Variants in NCAPD3 observed in about 807,000 individuals in gnomAD.
NCAPD3 encodes non-SMC condensin II complex subunit D3.
Under a neutral mutation model 182.9 loss-of-function variants are expected in NCAPD3, and 105 were observed. The observed-to-expected ratio is 0.57, with a 90% CI of 0.49 to 0.68. NCAPD3 has a LOEUF of 0.68. NCAPD3 is among the 30% of genes least tolerant of loss of function. The pLI is 0.00. For missense variants in NCAPD3, 1,944 were observed against 1,837.0 expected, an observed-to-expected ratio of 1.06 and a Z score of -1.07; for synonymous variants, 815 against 679.9, an observed-to-expected ratio of 1.20 and a Z score of -3.09.
intron 3 of NCAPD3, among the ~76,000 whole-genome samples, chr11:134,214,303 T>G (rs1937940710): frequency 6.6e-6 from 1 of 152,204 alleles, no homozygotes; most frequent in Non-Finnish European, 1.5e-5. Context: ...AAACTCAATT[T>G]ACTAAACAAC....
chr11:134,192,658 A>G (rs761080603), intron 16 of NCAPD3, 31 bp downstream of exon 16: 6 of 1,577,110 alleles, frequency 3.8e-6, no homozygotes, highest in Non-Finnish European at 8.7e-7. Flanking sequence ...GCCTTCTTCT[A>G]TAGGGAACAC....
chr11:134,214,853 C>T (rs1226222755), intron 3 of NCAPD3, among the ~76,000 whole-genome samples: 1 of 152,118 alleles, frequency 6.6e-6, no homozygotes, highest in Non-Finnish European at 1.5e-5. Flanking sequence ...GAAGGGAATA[C>T]TATGTAACTT....
At chr11:134,162,984 G>C (rs541944767) in intron 27 of NCAPD3, among the ~76,000 whole-genome samples, 1 of 152,274 alleles carries the variant, frequency 6.6e-6, no homozygotes, top group South Asian at 2.1e-4. Context: ...GGGTGGGTGA[G>C]GGCGCTGCAG....
Position 134,152,029 on chromosome 11 carries a change from C to CTT in NCAPD3, c.*913_*914dup, listed in dbSNP as rs1353876303. 2 of 152,242 alleles carry CTT rather than the reference C, an allele frequency of 1.3e-5. No homozygotes were observed. The highest frequency in any genetic ancestry group is 4.8e-5 in the African/African-American group (2 of 41,456). The allele number at this position is 152,242 out of a possible 1,614,324, so 9.4% of individuals were successfully genotyped here. A position where few individuals can be genotyped will look rare whatever the true frequency, so the allele number is the denominator to read the frequency against. On this transcript the variant is annotated 3_prime_UTR_variant, in exon 35 of 35. Transcript: ENST00000534548. ...AACCAACGCACATCATCACTTTGTA[C>CTT]TTTTGCTTTTGTAATACTGGGATTA...
chr11:134,164,666 TGGG>T (rs200676915), intron 27 of NCAPD3, among the ~76,000 whole-genome samples: 2 of 146,542 alleles, frequency 1.4e-5, no homozygotes, highest in East Asian at 2.1e-4. Context: ...GACATGAGCT[TGGG>T]GGAGCTGCAC....
chr11:134,185,270 T>C (rs915131227), intron 17 of NCAPD3, 65 bp downstream of exon 17: 2 of 1,403,978 alleles, frequency 1.4e-6, no homozygotes, highest in Middle Eastern at 2.2e-4. Context: ...CTCACTTCCT[T>C]AAGTCTTGGG....
intron 27 of NCAPD3, among the ~76,000 whole-genome samples, chr11:134,163,477 A>C (rs1943652223): frequency 6.6e-6 from 1 of 152,074 alleles, no homozygotes; most frequent in South Asian, 2.1e-4. Flanking sequence ...AGGCGGGCAG[A>C]TCACGAGATC....
At chr11:134,161,107 C>T (rs1591821958) in intron 28 of NCAPD3, among the ~76,000 whole-genome samples, 1 of 151,572 alleles carries the variant, frequency 6.6e-6, no homozygotes, top group East Asian at 1.9e-4. Flanking sequence ...TTGTTGAGGC[C>T]TTTATTGGAA....
Position 134,178,791 on chromosome 11 carries a change from G to C in NCAPD3, c.2674+31C>G, listed in dbSNP as rs181703138. On this transcript the variant is annotated intron_variant, in intron 21 of 34. Coordinates refer to ENST00000534548, the MANE Select transcript of NCAPD3 (RefSeq NM_015261.3). ...CCGACAGAACCTTGAAACGGCATGCGTGCTACAGAGTATGATTTCAAATGC... is the reference window on the plus strand; with the variant it reads ...CCGACAGAACCTTGAAACGGCATGCCTGCTACAGAGTATGATTTCAAATGC... 2.6e-5 allele frequency: 42 copies of C among 1,611,760 alleles called. No individual in the cohort carries two copies. The East Asian group carries it at 9.1e-4, about 35-fold the overall frequency.
intron 24 of NCAPD3, among the ~76,000 whole-genome samples, chr11:134,171,043 AC>A (rs147086757): frequency 0.058 from 8,791 of 152,222 alleles, 293 homozygotes; most frequent in Non-Finnish European, 0.06. Context: ...GCTTCCTAGA[AC>A]ATTCCTTTAG....
chr11:134,197,558 T>C (rs1165867624), intron 13 of NCAPD3, among the ~76,000 whole-genome samples: 1 of 152,202 alleles, frequency 6.6e-6, no homozygotes, highest in Non-Finnish European at 1.5e-5. Context: ...ATTACAAGCA[T>C]GAGCCACCAC....
chr11:134,210,541 A>C, intron 3 of NCAPD3, 87 bp from the exon 4 acceptor site: 1 of 1,202,760 alleles, frequency 8.3e-7, no homozygotes, highest in East Asian at 2.4e-5. Context: ...TACAAAGCAA[A>C]ACACAGGCTT....
chr11:134,161,601 C>T (rs926826047), intron 28 of NCAPD3, among the ~76,000 whole-genome samples, 180 bp downstream of exon 28: 2 of 152,196 alleles, frequency 1.3e-5, no homozygotes, highest in South Asian at 2.1e-4. Flanking sequence ...AGGGAAAGAG[C>T]GGCTTTGGTG....
At chr11:134,196,208 A>G (rs11223724) in intron 13 of NCAPD3, among the ~76,000 whole-genome samples, 54,640 of 152,070 alleles carry the variant, frequency 0.36, 9,991 homozygotes, top group African/African-American at 0.43. Flanking sequence ...AAGGAATACT[A>G]TGAACAATTT....
rs934257470 is a variant in NCAPD3 at position 134,168,769 on chromosome 11, T to G, written c.3239+148A>C. ...GCCCTTAGGAAGCGATTCTCACGACTGTATTTTCTTACGCCATCCTGCCAA... is the reference window on the plus strand; with the variant it reads ...GCCCTTAGGAAGCGATTCTCACGACGGTATTTTCTTACGCCATCCTGCCAA... On this transcript the variant is annotated intron_variant, in intron 25 of 34. Transcript: ENST00000534548. 5.2e-6 allele frequency: 7 copies of G among 1,355,514 alleles called. No individual in the cohort carries two copies. In the Admixed American group the frequency reaches 8.9e-5, roughly 17 times the overall value. 84.0% of individuals were successfully genotyped at this position (1,355,514 alleles called of 1,614,324 possible).
intron 32 of NCAPD3, among the ~76,000 whole-genome samples, chr11:134,155,361 T>C (rs1223494672): frequency 6.6e-6 from 1 of 152,102 alleles, no homozygotes; most frequent in Non-Finnish European, 1.5e-5. Flanking sequence ...CTGAGTGCTT[T>C]TAAACTATCT....
chr11:134,223,386 G>A lies in NCAPD3; in HGVS notation c.64+477C>T, dbSNP rs181352976. 3.0e-3 allele frequency: 2,121 copies of A among 701,954 alleles called. 8 individuals carry two copies. Among genetic ancestry groups the A allele is most frequent in the Admixed American group, 4.7e-3 (235 of 50,014 alleles). The allele number at this position is 701,954 out of a possible 1,614,324, so 43.5% of individuals were successfully genotyped here. ...GAAGCAGAAATGCCATGACTCCTGG[G>A]TTGGTGGCTTGGATGGTGCCATTAG... On this transcript the variant is annotated intron_variant, in intron 1 of 34. Transcript: ENST00000534548.
In NCAPD3 at chr11:134,206,653, A is replaced by AG. The variant is rs1418614888; in HGVS notation, c.961dup (p.Leu321ProfsTer11). 1.2e-6 allele frequency: 2 copies of AG among 1,613,722 alleles called. No individual in the cohort carries two copies. Among genetic ancestry groups the AG allele is most frequent in the Non-Finnish European group, 1.7e-6 (2 of 1,179,892 alleles). ...GTTGATGACTTGGGAGGTAACAGCA[A>AG]GGGGGGCACGATGGGATCCTTCACC... On this transcript the variant is annotated frameshift_variant, in exon 8 of 35. Coordinates refer to ENST00000534548, the MANE Select transcript of NCAPD3 (RefSeq NM_015261.3). LOFTEE classifies it high-confidence loss of function.
At chr11:134,165,799 A>G (rs1258813171) in intron 27 of NCAPD3, among the ~76,000 whole-genome samples, 1 of 74,964 alleles carries the variant, frequency 1.3e-5, no homozygotes, top group Non-Finnish European at 2.5e-5. Context: ...CTTAGGGGAG[A>G]TGCACACTCA....
Sources: gnomAD v4.1 joint callset for allele counts (sites outside exome capture counted in the v4.1 genomes callset) on GRCh38, gnomAD v4.1.1 for gene constraint, MANE v1.5 for transcripts, NCBI Gene and HGNC (gene_info 2026-07-23, HGNC 2026-07-21) for gene names.